FSD1: variants seen among roughly 807,000 people sequenced by gnomAD.
The protein encoded by FSD1 is fibronectin type III and SPRY domain-containing protein 1.
Under a neutral mutation model 58.2 loss-of-function variants are expected in FSD1, and 23 were observed. That is an observed-to-expected ratio of 0.40 (90% confidence interval 0.28 to 0.56). The LOEUF (loss-of-function observed/expected upper bound fraction) is 0.56. FSD1 is among the 20% of genes least tolerant of loss of function. FSD1 has a pLI of 0.54. For missense variants in FSD1, 563 were observed against 670.8 expected (o/e 0.84, Z 1.78); for synonymous variants, 265 against 263.4 (o/e 1.01, Z -0.06).
In FSD1 at chr19:4,322,977, G is replaced by A; in HGVS notation, c.1040-9G>A. On this transcript the variant is annotated splice_polypyrimidine_tract_variant and intron_variant, in intron 10 of 12. Coordinates refer to ENST00000221856, the MANE Select transcript of FSD1 (RefSeq NM_024333.3). ...TTCCCCTGCCCACCCCTCCTGCCCT[G>A]CGCCACAGGGGACACGCTGATCGAC... 6.2e-7 allele frequency: 1 copy of A among 1,606,310 alleles called. No individual in the cohort carries two copies. Among genetic ancestry groups the A allele is most frequent in the Non-Finnish European group, 8.5e-7 (1 of 1,176,512 alleles).
rs541251747 is a variant in FSD1, at chr19:4,315,164, C to T, written c.701-2018C>T. ...TTTTTGAGACAGAATCTCGCTCTGTCGCCCAAGCTGGAGTACAGTGGCTTG... is the reference window on the plus strand; with the variant it reads ...TTTTTGAGACAGAATCTCGCTCTGTTGCCCAAGCTGGAGTACAGTGGCTTG... On this transcript the variant is annotated intron_variant, in intron 7 of 12. Transcript: ENST00000221856. Among the ~76,000 whole-genome samples, 27 of 152,034 alleles carry T rather than the reference C, an allele frequency of 1.8e-4. No individual in the cohort carries two copies. The East Asian group carries it at 2.3e-3, about 13-fold the overall frequency.
intron 7 of FSD1, among the ~76,000 whole-genome samples, chr19:4,315,047 T>C (rs939950104): frequency 7.9e-5 from 12 of 152,304 alleles, no homozygotes; most frequent in Non-Finnish European, 1.5e-4. Flanking sequence ...TATGTGGTCG[T>C]TTGCAATCCA....
rs1346760970 is a variant in FSD1 at position 4,305,983 on chromosome 19, A to G, written c.53A>G (p.Lys18Arg). 1.2e-6 allele frequency: 2 copies of G among 1,614,186 alleles called. No homozygotes were observed. Among genetic ancestry groups the G allele is most frequent in the South Asian group, 2.2e-5 (2 of 91,086 alleles). ...AAGATCATCAAAACACTGGCTGTGA[A>G]GAATGAAGAAATTCAGAGCTTTATC... ...LRKIIKTLAV[K>R]NEEIQSFIYS... The change falls in exon 2 of 13, where the codon AAG becomes AGG. Residue 18 changes from lysine to arginine, a missense_variant. Transcript: ENST00000221856.
chr19:4,318,295 G>C lies in FSD1; in HGVS notation c.800-51G>C, dbSNP rs373492053. On this transcript the variant is annotated intron_variant, in intron 8 of 12. Transcript: ENST00000221856. ...TCTCTGTCTCTCTGTCTCTCTCTGT[G>C]TCTCTCCGGGTTTCCCCATCTCTGT... 1.9e-6 allele frequency: 3 copies of C among 1,612,106 alleles called. No homozygotes were observed. The African/African-American group carries it at 4.0e-5, about 22-fold the overall frequency.
At chr19:4,305,902 ATG>A (rs970683363) in intron 1 of FSD1, 42 bp from the exon 2 acceptor site, 8 of 1,427,316 alleles carry the variant, frequency 5.6e-6, no homozygotes, top group African/African-American at 1.4e-5. Flanking sequence ...GTGTGCGCAC[ATG>A]TGTGTGTGCA....
At position 4,323,031 on chromosome 19, in the gene FSD1, A is replaced by ACGAGC. The variant is rs1971720372; in HGVS notation, c.1088_1092dup (p.Asp365SerfsTer106). The stretch of plus-strand genomic sequence containing the variant: ...GGGGAGCATTACTGGGAGGTGCGCT[A>ACGAGC]CGAGCCGGACAGCAAGGCGTTCGGC... On this transcript the variant is annotated frameshift_variant, in exon 11 of 13. Coordinates refer to ENST00000221856, the MANE Select transcript of FSD1 (RefSeq NM_024333.3). LOFTEE classifies it high-confidence loss of function. This position sits in a 1 kb window ranked among gnomAD's most constrained non-coding sequence, Gnocchi z 7.7. 6.2e-7 allele frequency: 1 copy of ACGAGC among 1,611,844 alleles called. No homozygotes were observed. The highest frequency in any genetic ancestry group is 8.5e-7 in the Non-Finnish European group (1 of 1,179,484).
At chr19:4,322,836 C>T (rs1971715991) in intron 10 of FSD1, 150 bp from the exon 11 acceptor site, 5 of 947,908 alleles carry the variant, frequency 5.3e-6, no homozygotes, top group Middle Eastern at 3.3e-4. Context: ...TGAGGAGTAT[C>T]TGGGGGGTAC....
chr19:4,318,213 A>G, intron 8 of FSD1, 133 bp from the exon 9 acceptor site: 1 of 1,110,838 alleles, frequency 9.0e-7, no homozygotes, highest in Non-Finnish European at 1.3e-6. Context: ...TCTGTCTTGG[A>G]CTCTTATCTC....
In FSD1 at chr19:4,313,225, C is replaced by T. The variant is rs140158296; in HGVS notation, c.700+1174C>T. Among the ~76,000 whole-genome samples the T allele has an allele frequency of 7.9e-5, 12 of 151,864 alleles. No homozygotes were observed. In the East Asian group the frequency reaches 1.4e-3, roughly 17 times the overall value. ...AAAGTTACCTGAGCATGGTGGTCCC[C>T]GCTACCAAGGGAGGCTAAGGTGGGA... On this transcript the variant is annotated intron_variant, in intron 7 of 12. Transcript: ENST00000221856.
intron 1 of FSD1, among the ~76,000 whole-genome samples, chr19:4,305,329 G>A (rs1599531642): frequency 6.7e-6 from 1 of 149,552 alleles, no homozygotes; most frequent in East Asian, 2.0e-4. Context: ...TTCTCCCCCA[G>A]GTAGGCCCCA....
intron 8 of FSD1, 59 bp from the exon 9 acceptor site, chr19:4,318,283 GTCTC>G: frequency 6.2e-7 from 1 of 1,608,992 alleles, no homozygotes; most frequent in Non-Finnish European, 8.5e-7. Context: ...CTGTCTCTCT[GTCTC>G]TCTCTGTGTC....
intron 10 of FSD1, among the ~76,000 whole-genome samples, chr19:4,321,258 C>T (rs4280370): frequency 2.2e-4 from 25 of 115,370 alleles, no homozygotes; most frequent in Admixed American, 4.5e-4. Flanking sequence ...CTGGGGGAAA[C>T]AGCTGGGACT....
chr19:4,306,678 A>G (rs949279538), intron 3 of FSD1, among the ~76,000 whole-genome samples: 2 of 151,822 alleles, frequency 1.3e-5, no homozygotes, highest in African/African-American at 4.8e-5. Context: ...GTGTGGGCCA[A>G]GCTGACCTCA....
chr19:4,306,239 C>G lies in FSD1; in HGVS notation c.153C>G (p.Phe51Leu). 2 of 1,614,028 alleles carry G rather than the reference C, an allele frequency of 1.2e-6. No individual in the cohort carries two copies. Among genetic ancestry groups the G allele is most frequent in the Non-Finnish European group, 1.7e-6 (2 of 1,179,988 alleles). ...TGCAGGAGGACCTCGAAGCAGAGTT[C>G]CAGTCCCTCTTCTCCCTCCTGGAGG... is the stretch of plus-strand genomic sequence containing the variant. The part of the protein sequence containing the change: ...AKVQEDLEAE[F>L]QSLFSLLEEL... The change falls in exon 3 of 13, where the codon TTC becomes TTG. Residue 51 changes from phenylalanine (F) to leucine (L), a missense_variant. Physicochemically the swap from Phe to Leu is conservative, Grantham distance 22. Transcript: ENST00000221856.
At chr19:4,313,586 CG>C (rs1971719679) in intron 7 of FSD1, among the ~76,000 whole-genome samples, 1 of 151,402 alleles carries the variant, frequency 6.6e-6, no homozygotes, top group South Asian at 2.1e-4. Context: ...GGTGTGGTGG[CG>C]GGCGCCTGTA....
chr19:4,316,727 G>A (rs897008603), intron 7 of FSD1, among the ~76,000 whole-genome samples: 9 of 151,836 alleles, frequency 5.9e-5, no homozygotes, highest in African/African-American at 2.2e-4. Flanking sequence ...AATGGTCTCA[G>A]GGGTAAGATG....
At chr19:4,312,661 C>T (rs910700198) in intron 7 of FSD1, among the ~76,000 whole-genome samples, 11 of 151,846 alleles carry the variant, frequency 7.2e-5, no homozygotes, top group Admixed American at 4.6e-4. Context: ...AAAAATTAGC[C>T]GGGCGTGGCG....
chr19:4,318,329 C>T lies in FSD1; in HGVS notation c.800-17C>T, dbSNP rs537865456. The T allele has an allele frequency of 1.4e-5, 22 of 1,613,708 alleles. No homozygotes were observed. The highest frequency in any genetic ancestry group is 9.9e-5 in the South Asian group (9 of 91,072). On this transcript the variant is annotated splice_polypyrimidine_tract_variant and intron_variant, in intron 8 of 12. Transcript: ENST00000221856. ...GGTTTCCCCATCTCTGTGACTCCCA[C>T]GTCTGCCCGGCCCCAGCGTTCATGT...
chr19:4,323,161 C>G lies in FSD1; in HGVS notation c.1215C>G (p.Ala405=), dbSNP rs1354588684. The change falls in exon 11 of 13, where the codon GCC becomes GCG. Residue 405 remains alanine, a synonymous_variant. Transcript: ENST00000221856. The surrounding 1 kb of genome is among the most constrained non-coding windows in gnomAD (Gnocchi z 7.7). ...ATTGGCTGCAGGTCAGCTTCACGGCCAAGCACGCCAACAAGGTCAAGGTGC... is the reference window on the plus strand; with the variant it reads ...ATTGGCTGCAGGTCAGCTTCACGGCGAAGCACGCCAACAAGGTCAAGGTGC... The part of the protein sequence containing the change: ...VNNWLQVSFT[A]KHANKVKVLD... 2 of 1,604,752 alleles carry G rather than the reference C, an allele frequency of 1.2e-6. No homozygotes were observed. The highest frequency in any genetic ancestry group is 2.7e-5 in the African/African-American group (2 of 74,896).
Sources: allele counts gnomAD v4.1 joint callset (sites outside exome capture counted in the v4.1 genomes callset), GRCh38; gene constraint gnomAD v4.1.1; non-coding constraint Gnocchi (gnomAD v3.1); transcripts MANE v1.5; gene names NCBI Gene and HGNC (gene_info 2026-07-23, HGNC 2026-07-21).